SEC23IP: variants seen among roughly 807,000 people sequenced by gnomAD.
SEC23IP encodes the protein SEC23 interacting protein.
Under a neutral mutation model 113.4 loss-of-function variants are expected in SEC23IP, and 70 were observed. The ratio of observed to expected loss-of-function variants is 0.62; its 90% CI spans 0.51 to 0.75. The LOEUF is 0.75. Among genes scored for constraint, SEC23IP ranks in the 30% least tolerant of loss-of-function variants. The probability of loss-of-function intolerance (pLI) is 0.00; values close to 1 mark genes in which losing one functional copy is unlikely to be tolerated. For missense variants in SEC23IP, 1,160 were observed against 1,204.9 expected (o/e 0.96, Z 0.55); for synonymous variants, 398 against 421.0 (o/e 0.95, Z 0.67).
intron 18 of SEC23IP, among the ~76,000 whole-genome samples, chr10:119,939,867 T>C (rs943306319): frequency 1.2e-4 from 18 of 152,110 alleles, no homozygotes; most frequent in South Asian, 8.3e-4. Flanking sequence ...GGCTAATTTT[T>C]TTATTTTTTG....
chr10:119,921,351 T>G (rs1322909368), intron 12 of SEC23IP, among the ~76,000 whole-genome samples: 1 of 152,228 alleles, frequency 6.6e-6, no homozygotes, highest in African/African-American at 2.4e-5. Flanking sequence ...ATTCATTTGT[T>G]TATTTTGAGA....
intron 13 of SEC23IP, among the ~76,000 whole-genome samples, chr10:119,927,686 C>T (rs535897703): frequency 6.6e-6 from 1 of 152,288 alleles, no homozygotes; most frequent in African/African-American, 2.4e-5. Flanking sequence ...AATAAAGTCA[C>T]ATTATGAGGT....
chr10:119,892,733 G>A lies in SEC23IP; in HGVS notation c.-50G>A. 1 of 1,546,526 alleles carries A rather than the reference G, an allele frequency of 6.5e-7. No homozygotes were observed. Among genetic ancestry groups the A allele is most frequent in the African/African-American group, 1.4e-5 (1 of 73,636 alleles). ...GGAGCGTGATCGGTTTCCGGTCAGTGGTGTGGTACCGGGTACCCGGAGACG... is the reference window on the plus strand; with the variant it reads ...GGAGCGTGATCGGTTTCCGGTCAGTAGTGTGGTACCGGGTACCCGGAGACG... On this transcript the variant is annotated 5_prime_UTR_variant, in exon 1 of 19. Transcript: ENST00000369075.
In SEC23IP at chr10:119,892,792, A is replaced by G. The variant is rs770893573; in HGVS notation, c.10A>G (p.Arg4Gly). 11 of 1,610,652 alleles carry G rather than the reference A, an allele frequency of 6.8e-6. No homozygotes were observed. In the East Asian group the frequency reaches 1.6e-4, roughly 23 times the overall value. The change falls in exon 1 of 19, where the codon AGA (arginine) becomes GGA (glycine). Residue 4 changes from arginine to glycine, a missense_variant. Transcript: ENST00000369075. MAE[R>G]KPNGGSGGAS... ...ACGGTGGGCCGCAGCCATGGCCGAG[A>G]GAAAACCTAACGGTGGCAGCGGCGG... is the stretch of plus-strand genomic sequence containing the variant.
chr10:119,912,020 T>G (rs1386213172), intron 5 of SEC23IP, 24 bp from the exon 6 acceptor site: 1 of 1,613,198 alleles, frequency 6.2e-7, no homozygotes, highest in East Asian at 2.2e-5. Flanking sequence ...ATGAGCTTTG[T>G]CATAATTCTG....
chr10:119,897,962 G>A (rs1310671511), intron 1 of SEC23IP, among the ~76,000 whole-genome samples: 1 of 150,578 alleles, frequency 6.6e-6, no homozygotes, highest in Non-Finnish European at 1.5e-5. Flanking sequence ...CTGAGATTGC[G>A]CCACTGCACT....
At chr10:119,900,583 G>T (rs1410322168) in intron 2 of SEC23IP, among the ~76,000 whole-genome samples, 6 of 152,022 alleles carry the variant, frequency 3.9e-5, no homozygotes, top group Non-Finnish European at 5.9e-5. Flanking sequence ...AAAGTTCTGG[G>T]ATTATGGGCT....
rs1855990595 is a variant in SEC23IP, at chr10:119,942,370, T to C, written c.*1805T>C. 1 of 152,222 alleles carries C rather than the reference T, an allele frequency of 6.6e-6. No homozygotes were observed. Among genetic ancestry groups the C allele is most frequent in the South Asian group, 2.1e-4 (1 of 4,832 alleles). 9.4% of individuals were successfully genotyped at this position (152,222 alleles called of 1,614,324 possible). The stretch of plus-strand genomic sequence containing the variant: ...ACACACACACATATGTATGTATGTA[T>C]GTATTACTATTCAGTCTCTTAAAAA... On this transcript the variant is annotated 3_prime_UTR_variant, in exon 19 of 19. Coordinates refer to ENST00000369075, the MANE Select transcript of SEC23IP (RefSeq NM_007190.4).
intron 1 of SEC23IP, among the ~76,000 whole-genome samples, chr10:119,895,048 T>C (rs138557994): frequency 2.4e-4 from 36 of 152,178 alleles, no homozygotes; most frequent in Non-Finnish European, 4.3e-4. Flanking sequence ...CAGTTAATCA[T>C]ATAAGTGGAA....
At chr10:119,920,115 A>C (rs1413178107) in intron 11 of SEC23IP, among the ~76,000 whole-genome samples, 2 of 152,228 alleles carry the variant, frequency 1.3e-5, no homozygotes. Flanking sequence ...CTATGTGGCC[A>C]GGGTGAAGGG....
At chr10:119,926,923 G>T (rs974975244) in intron 13 of SEC23IP, among the ~76,000 whole-genome samples, 1 of 152,176 alleles carries the variant, frequency 6.6e-6, no homozygotes, top group Non-Finnish European at 1.5e-5. Flanking sequence ...GTCTTGCTCT[G>T]TTGCACAGGC....
intron 12 of SEC23IP, among the ~76,000 whole-genome samples, chr10:119,923,531 C>G (rs1319910482): frequency 6.7e-6 from 1 of 150,054 alleles, no homozygotes; most frequent in East Asian, 1.9e-4. Context: ...TATTGATAGT[C>G]AAGTATGTAT....
intron 18 of SEC23IP, among the ~76,000 whole-genome samples, chr10:119,938,388 C>T (rs940068488): frequency 4.6e-5 from 7 of 152,078 alleles, no homozygotes; most frequent in African/African-American, 1.7e-4. Flanking sequence ...GGAAGAGGTG[C>T]GCAGGCCTCT....
Position 119,926,188 on chromosome 10 carries a change from G to A in SEC23IP, c.2274G>A (p.Val758=), listed in dbSNP as rs139896930. The A allele has an allele frequency of 2.2e-5, 35 of 1,614,004 alleles. No individual in the cohort carries two copies. Among genetic ancestry groups the A allele is most frequent in the Non-Finnish European group, 2.6e-5 (31 of 1,180,002 alleles). The change falls in exon 13 of 19, where the codon GTG becomes GTA. Residue 758 remains valine, a synonymous_variant. Transcript: ENST00000369075. ...CAGTTGGTGCTTGCGTGTCTTCTGT[G>A]TGTGTGAATTATGAATCTTTTGAAG... ...KLPVGACVSS[V]CVNYESFEVG...
At chr10:119,903,606 ACTT>A (rs1371021223) in intron 3 of SEC23IP, among the ~76,000 whole-genome samples, 1 of 152,182 alleles carries the variant, frequency 6.6e-6, no homozygotes, top group Non-Finnish European at 1.5e-5. Flanking sequence ...TTTCTTTTCT[ACTT>A]AAGAGTCATA....
chr10:119,904,128 CGCTA>C lies in SEC23IP; in HGVS notation c.953_956del (p.Arg318ProfsTer9). 6.2e-7 allele frequency: 1 copy of C among 1,614,160 alleles called. No homozygotes were observed. Among genetic ancestry groups the C allele is most frequent in the Non-Finnish European group, 8.5e-7 (1 of 1,180,014 alleles). ...CGTGGTTCTTGGCACGGATGGAGGG[CGCTA>C]CGATGTTTACCTCTATGACCGAATA... On this transcript the variant is annotated frameshift_variant, in exon 4 of 19. Coordinates refer to ENST00000369075, the MANE Select transcript of SEC23IP (RefSeq NM_007190.4). LOFTEE classifies it high-confidence loss of function.
chr10:119,939,336 T>A (rs1169928323), intron 18 of SEC23IP, among the ~76,000 whole-genome samples: 1 of 151,918 alleles, frequency 6.6e-6, no homozygotes, highest in Non-Finnish European at 1.5e-5. Context: ...AATAATTAAA[T>A]AAAAAATAAA....
At chr10:119,925,304 T>A (rs1203225356) in intron 12 of SEC23IP, among the ~76,000 whole-genome samples, 3 of 152,196 alleles carry the variant, frequency 2.0e-5, no homozygotes, top group African/African-American at 7.2e-5. Flanking sequence ...TTCGCCTATT[T>A]TAAAAATTCA....
intron 14 of SEC23IP, 35 bp from the exon 15 acceptor site, chr10:119,930,294 T>G: frequency 1.5e-6 from 2 of 1,304,794 alleles, no homozygotes; most frequent in South Asian, 2.9e-5. Flanking sequence ...TTTCATAAAT[T>G]TCTTTTATTT....
Sources: gnomAD v4.1 joint callset for allele counts (sites outside exome capture counted in the v4.1 genomes callset) on GRCh38, gnomAD v4.1.1 for gene constraint, MANE v1.5 for transcripts, NCBI Gene and HGNC (gene_info 2026-07-23, HGNC 2026-07-21) for gene names.